PDCL2: variants seen among roughly 807,000 people sequenced by gnomAD.
PDCL2 encodes the protein phosducin like 2, also known as phosducin-like protein 2.
PDCL2 carries 23 observed loss-of-function variants against 30.3 expected under a neutral mutation model. That is an observed-to-expected ratio of 0.76 (90% CI 0.55 to 1.08). The LOEUF is 1.08. PDCL2 is among the 50% of genes least tolerant of loss of function. The probability of loss-of-function intolerance (pLI) is 0.00; values close to 1 mark genes in which losing one functional copy is unlikely to be tolerated. For synonymous variants in PDCL2, 68 were observed against 86.2 expected (o/e 0.79, Z 1.17); for missense variants, 243 against 282.3 (o/e 0.86, Z 1.00).
At chr4:55,563,632 T>G (rs1448756525) in intron 4 of PDCL2, among the ~76,000 whole-genome samples, 2 of 152,180 alleles carry the variant, frequency 1.3e-5, no homozygotes, top group Non-Finnish European at 2.9e-5. Context: ...ACAAGTTTAT[T>G]AACATGTACA....
intron 5 of PDCL2, among the ~76,000 whole-genome samples, chr4:55,556,924 C>G (rs866728481): frequency 6.6e-6 from 1 of 152,240 alleles, no homozygotes; most frequent in African/African-American, 2.4e-5. Context: ...ACCTCCACCT[C>G]CCAGGTTCAA....
At chr4:55,591,430 C>T (rs753264105) in intron 1 of PDCL2, among the ~76,000 whole-genome samples, 67 of 152,206 alleles carry the variant, frequency 4.4e-4, no homozygotes, top group Non-Finnish European at 7.1e-4. Flanking sequence ...CACTCTGCCG[C>T]CAGGCTGGAG....
intron 3 of PDCL2, among the ~76,000 whole-genome samples, chr4:55,575,742 G>C (rs1732550252): frequency 6.6e-6 from 1 of 152,140 alleles, no homozygotes; most frequent in South Asian, 2.1e-4. Flanking sequence ...CAGAAATTTT[G>C]GAAGCCAAAA....
At chr4:55,561,044 G>C (rs946360561) in intron 5 of PDCL2, among the ~76,000 whole-genome samples, 2 of 152,014 alleles carry the variant, frequency 1.3e-5, no homozygotes, top group Admixed American at 1.3e-4. Flanking sequence ...ATGATTTCAT[G>C]AATGCTTACT....
At chr4:55,564,346 C>T (rs1316403923) in intron 4 of PDCL2, among the ~76,000 whole-genome samples, 1 of 152,000 alleles carries the variant, frequency 6.6e-6, no homozygotes, top group African/African-American at 2.4e-5. Context: ...GAAAGGGTTG[C>T]CCGAAGACAG....
chr4:55,582,227 TC>T lies in PDCL2; in HGVS notation c.16del (p.Glu6LysfsTer9). On this transcript the variant is annotated frameshift_variant, in exon 2 of 6. Transcript: ENST00000295645. LOFTEE classifies it high-confidence loss of function. MQDPN[E>X]DTEWNDILRD... ...TAAAATGTCATTCCATTCTGTATCT[TC>T]ATTGGGATCCTACACAAAAAGAAAA... 1.2e-6 allele frequency: 2 copies of T among 1,602,690 alleles called. No homozygotes were observed. The highest frequency in any genetic ancestry group is 1.7e-6 in the Non-Finnish European group (2 of 1,176,338).
At chr4:55,566,501 G>A (rs6822553) in intron 4 of PDCL2, among the ~76,000 whole-genome samples, 1 of 146,382 alleles carries the variant, frequency 6.8e-6, no homozygotes, top group African/African-American at 2.5e-5. Flanking sequence ...TGGCTCACTG[G>A]AACCTCCGCC....
At chr4:55,582,058 T>G in intron 2 of PDCL2, 59 bp downstream of exon 2, 1 of 1,589,120 alleles carries the variant, frequency 6.3e-7, no homozygotes, top group Non-Finnish European at 8.6e-7. Context: ...ATGAAATACC[T>G]TAGTACTAAC....
intron 3 of PDCL2, among the ~76,000 whole-genome samples, chr4:55,577,783 T>C (rs1732608431): frequency 6.6e-6 from 1 of 152,238 alleles, no homozygotes; most frequent in African/African-American, 2.4e-5. Flanking sequence ...ATCCGTAAGA[T>C]AGTTGTCTTA....
intron 1 of PDCL2, among the ~76,000 whole-genome samples, chr4:55,587,991 G>C (rs933835909): frequency 1.3e-5 from 2 of 152,124 alleles, no homozygotes; most frequent in African/African-American, 4.8e-5. Flanking sequence ...CAAACTCAAT[G>C]TCATGAATCT....
intron 5 of PDCL2, among the ~76,000 whole-genome samples, chr4:55,559,455 A>G (rs1362210567): frequency 1.3e-5 from 2 of 152,192 alleles, no homozygotes; most frequent in African/African-American, 2.4e-5. Context: ...TCTGAATACT[A>G]TGGTTGAGAT....
intron 3 of PDCL2, among the ~76,000 whole-genome samples, chr4:55,578,590 GT>G (rs796948948): frequency 7.6e-4 from 110 of 145,146 alleles, no homozygotes; most frequent in Middle Eastern, 7.0e-3. Context: ...TCATCAGTGG[GT>G]TTTTTTTTTT....
chr4:55,592,191 A>T lies in PDCL2; in HGVS notation c.-82T>A. The T allele has an allele frequency of 6.4e-7, 1 of 1,569,872 alleles. No homozygotes were observed. The highest frequency in any genetic ancestry group is 1.8e-5 in the Admixed American group (1 of 55,064). ...CGGATGGAGACCCGCAGCCTTCTCC[A>T]GGCTGGAAGAGCGCCCGCTTCAGGC... is the stretch of plus-strand genomic sequence containing the variant. On this transcript the variant is annotated 5_prime_UTR_variant, in exon 1 of 6. Coordinates refer to ENST00000295645, the MANE Select transcript of PDCL2 (RefSeq NM_152401.3).
chr4:55,588,372 ATT>A (rs773740198), intron 1 of PDCL2, among the ~76,000 whole-genome samples: 6 of 152,188 alleles, frequency 3.9e-5, no homozygotes, highest in Non-Finnish European at 8.8e-5. Context: ...GCCAGACTAA[ATT>A]GTGTATTCAG....
chr4:55,575,219 T>C (rs1732532818), intron 3 of PDCL2, among the ~76,000 whole-genome samples: 1 of 152,072 alleles, frequency 6.6e-6, no homozygotes, highest in African/African-American at 2.4e-5. Flanking sequence ...ACATTTCATG[T>C]CAGAAGTGGT....
At chr4:55,578,979 A>G (rs1034960462) in intron 3 of PDCL2, among the ~76,000 whole-genome samples, 6 of 152,178 alleles carry the variant, frequency 3.9e-5, no homozygotes, top group African/African-American at 1.4e-4. Context: ...ACACTTATTA[A>G]TTAAAACTCT....
intron 5 of PDCL2, among the ~76,000 whole-genome samples, chr4:55,561,783 T>C (rs1420440039): frequency 6.6e-6 from 1 of 151,950 alleles, no homozygotes; most frequent in Non-Finnish European, 1.5e-5. Context: ...AATAAAGTAA[T>C]AGGAGGCATG....
intron 4 of PDCL2, among the ~76,000 whole-genome samples, chr4:55,565,287 C>T (rs2110154641): frequency 6.6e-6 from 1 of 152,228 alleles, no homozygotes; most frequent in East Asian, 1.9e-4. Context: ...ACTTAGCACA[C>T]ATGAGGACTG....
intron 4 of PDCL2, among the ~76,000 whole-genome samples, chr4:55,562,979 C>T (rs1732173940): frequency 6.6e-6 from 1 of 151,762 alleles, no homozygotes; most frequent in Admixed American, 6.6e-5. Flanking sequence ...ACAAAAGGAT[C>T]CCAACCCTTG....
Sources: gnomAD v4.1 joint callset for allele counts (sites outside exome capture counted in the v4.1 genomes callset) on GRCh38, gnomAD v4.1.1 for gene constraint, MANE v1.5 for transcripts, NCBI Gene and HGNC (gene_info 2026-07-23, HGNC 2026-07-21) for gene names.